Variants in CCDC106 observed in about 807,000 individuals in gnomAD.
CCDC106 encodes the protein coiled-coil domain containing 106, also known as coiled-coil domain-containing protein 106.
CCDC106 carries 17 observed loss-of-function variants against 24.7 expected under a neutral mutation model. The ratio of observed to expected loss-of-function variants is 0.69; its 90% CI spans 0.47 to 1.03. The LOEUF (loss-of-function observed/expected upper bound fraction) is 1.03, where lower values mean the gene tolerates loss of function less well. Ranked by LOEUF, CCDC106 falls within the 50% of genes least tolerant of loss-of-function variation. CCDC106 has a pLI of 0.00. For missense variants in CCDC106, 337 were observed against 388.9 expected, an observed-to-expected ratio of 0.87 and a Z score of 1.12; for synonymous variants, 211 against 161.3, an observed-to-expected ratio of 1.31 and a Z score of -2.34.
At position 55,652,383 on chromosome 19, in the gene CCDC106, T is replaced by C. The variant is rs762993735; in HGVS notation, c.527-47T>C. ...TCCCTTCCCGTGTCCGCCCCCTCAG[T>C]CTTGTGCCCTGCCCCTCACTTTCGT... is the stretch of plus-strand genomic sequence containing the variant. On this transcript the variant is annotated intron_variant, in intron 4 of 4. Coordinates refer to ENST00000586790, the MANE Select transcript of CCDC106 (RefSeq NM_001370470.1). The surrounding 1 kb of genome is among the most constrained non-coding windows in gnomAD (Gnocchi z 5.9). 1 of 1,518,070 alleles carries C rather than the reference T, an allele frequency of 6.6e-7. No individual in the cohort carries two copies. 94.0% of individuals were successfully genotyped at this position (1,518,070 alleles called of 1,614,324 possible).
chr19:55,653,074 T>G lies in CCDC106; in HGVS notation c.*328T>G. On this transcript the variant is annotated 3_prime_UTR_variant, in exon 5 of 5. Transcript: ENST00000586790. ...CCCCGCGGAGGAGCTGCCCACCTGA[T>G]TCCCGGACAGACCTCCCCAACTCCG... is the stretch of plus-strand genomic sequence containing the variant. The G allele has an allele frequency of 1.1e-5, 3 of 277,778 alleles. No individual in the cohort carries two copies. The highest frequency in any genetic ancestry group is 5.3e-5 in the Admixed American group (1 of 19,016). 17.2% of individuals were successfully genotyped at this position (277,778 alleles called of 1,614,324 possible). A position where few individuals can be genotyped will look rare whatever the true frequency, so the allele number is the denominator to read the frequency against.
intron 3 of CCDC106, 196 bp downstream of exon 3, chr19:55,649,780 C>A: frequency 3.3e-6 from 2 of 598,464 alleles, no homozygotes; most frequent in Non-Finnish European, 5.9e-6. Context: ...TCCCCATGAA[C>A]TGTCTACTGG....
chr19:55,649,229 T>C lies in CCDC106; in HGVS notation c.56T>C (p.Ile19Thr), dbSNP rs1204297099. 2 of 1,613,910 alleles carry C rather than the reference T, an allele frequency of 1.2e-6. No individual in the cohort carries two copies. The highest frequency in any genetic ancestry group is 1.7e-6 in the Non-Finnish European group (2 of 1,179,900). Residue 19 changes from isoleucine to threonine, a missense_variant, in exon 2 of 5, where the codon ATC (isoleucine) becomes ACC (threonine). Around this residue, in one of 2 missense-constraint regions of CCDC106, gnomAD observed 234 missense variants for 236.5 expected, o/e 0.99. Coordinates refer to ENST00000586790, the MANE Select transcript of CCDC106 (RefSeq NM_001370470.1). ...GTGAAGGACGATGAGACCTTCGAGATCTCCATTCCCTTCGATGAGGCACCC... is the reference window on the plus strand; with the variant it reads ...GTGAAGGACGATGAGACCTTCGAGACCTCCATTCCCTTCGATGAGGCACCC... The part of the protein sequence containing the change: ...RTMKDDETFE[I>T]SIPFDEAPHL...
chr19:55,649,135 G>A (rs1983063403), intron 1 of CCDC106, 58 bp downstream of exon 1: 1 of 1,611,050 alleles, frequency 6.2e-7, no homozygotes, highest in Admixed American at 1.7e-5. Flanking sequence ...GCTCCAGGCT[G>A]CCGTGGTTGG....
In CCDC106 at chr19:55,651,284, G is replaced by A. The variant is rs772304153; in HGVS notation, c.315G>A (p.Glu105=). Residue 105 remains glutamate (E), a splice_region_variant and synonymous_variant, in exon 4 of 5, where the codon GAG becomes GAA. Coordinates refer to ENST00000586790, the MANE Select transcript of CCDC106 (RefSeq NM_001370470.1). ...ATGTGTGTGTCTCCATCTCCCCAGA[G>A]GACCACTGCCGGATGAAGCCTGGGC... ...KFISSARMEA[E]DHCRMKPGPR... is the part of the protein sequence containing the mutation. 28 of 1,611,498 alleles carry A rather than the reference G, an allele frequency of 1.7e-5. No homozygotes were observed. The highest frequency in any genetic ancestry group is 3.4e-6 in the Non-Finnish European group (4 of 1,178,002).
chr19:55,649,675 TG>T (rs1983111827), intron 3 of CCDC106, 91 bp downstream of exon 3: 1 of 1,280,174 alleles, frequency 7.8e-7, no homozygotes, highest in Admixed American at 2.2e-5. Flanking sequence ...TTTGGCTGGC[TG>T]GGTGGGACCT....
chr19:55,651,863 C>T (rs1380986294), intron 4 of CCDC106, among the ~76,000 whole-genome samples: 2 of 152,084 alleles, frequency 1.3e-5, no homozygotes, highest in African/African-American at 2.4e-5. Flanking sequence ...AGGGTTTCAC[C>T]GTGTTTGCCA....
Position 55,649,279 on chromosome 19 carries a change from A to T in CCDC106, c.106A>T (p.Ser36Cys). The change falls in exon 2 of 5, where the codon AGT (serine) becomes TGT (cysteine). Residue 36 changes from serine (S) to cysteine (C), a missense_variant. Physicochemically the swap from Ser to Cys is moderately radical, Grantham distance 112. Transcript: ENST00000586790. Reference sequence around the variant, plus strand: ...CCACCTAGACCCACAGATCTTTTACAGTCTGAGCCCCTCTCGGAGAAACTT... The same window carrying T: ...CCACCTAGACCCACAGATCTTTTACTGTCTGAGCCCCTCTCGGAGAAACTT... ...APHLDPQIFY[S>C]LSPSRRNFEE... 4.3e-6 allele frequency: 7 copies of T among 1,613,950 alleles called. No homozygotes were observed. Among genetic ancestry groups the T allele is most frequent in the Non-Finnish European group, 5.9e-6 (7 of 1,179,942 alleles).
intron 4 of CCDC106, 143 bp downstream of exon 4, chr19:55,651,638 C>T (rs966491847): frequency 2.3e-5 from 14 of 617,390 alleles, no homozygotes; most frequent in Non-Finnish European, 3.7e-5. Context: ...CCCTCCTCCA[C>T]GTGTGGTCCT....
chr19:55,649,245 T>G lies in CCDC106; in HGVS notation c.72T>G (p.Asp24Glu). ...CCTTCGAGATCTCCATTCCCTTCGA[T>G]GAGGCACCCCACCTAGACCCACAGA... ...DETFEISIPF[D>E]EAPHLDPQIF... The change falls in exon 2 of 5, where the codon GAT (aspartate) becomes GAG (glutamate). Residue 24 changes from aspartate to glutamate, a missense_variant. Asp to Glu is a conservative substitution (Grantham distance 45). Transcript: ENST00000586790. The G allele has an allele frequency of 6.2e-7, 1 of 1,614,072 alleles. No individual in the cohort carries two copies. Among genetic ancestry groups the G allele is most frequent in the Non-Finnish European group, 8.5e-7 (1 of 1,179,992 alleles).
intron 3 of CCDC106, 32 bp from the exon 4 acceptor site, chr19:55,651,251 C>T (rs2123651900): frequency 6.5e-7 from 1 of 1,529,222 alleles, no homozygotes; most frequent in Non-Finnish European, 9.1e-7. Flanking sequence ...TGTCTGGTCC[C>T]TTGGTTCATG....
chr19:55,651,569 C>A, intron 4 of CCDC106, 74 bp downstream of exon 4: 1 of 1,051,666 alleles, frequency 9.5e-7, no homozygotes, highest in Non-Finnish European at 1.4e-6. Context: ...CCAGAGGTCC[C>A]CCTTTCTCTC....
chr19:55,652,918 C>T lies in CCDC106; in HGVS notation c.*172C>T, dbSNP rs1039749276. 75 of 600,632 alleles carry T rather than the reference C, an allele frequency of 1.2e-4. 1 individual carries two copies. Among genetic ancestry groups the T allele is most frequent in the Middle Eastern group, 8.8e-4 (2 of 2,262 alleles). 37.2% of individuals were successfully genotyped at this position (600,632 alleles called of 1,614,324 possible). A position where few individuals can be genotyped will look rare whatever the true frequency, so the allele number is the denominator to read the frequency against. On this transcript the variant is annotated 3_prime_UTR_variant, in exon 5 of 5. Transcript: ENST00000586790. The surrounding 1 kb of genome is among the most constrained non-coding windows in gnomAD (Gnocchi z 5.9). Reference sequence around the variant, plus strand: ...CCCCGGACCGGCCGCGGCCCCTTCCCGAACGCCGGCACCCCCTTCCGCTTG... The same window carrying T: ...CCCCGGACCGGCCGCGGCCCCTTCCTGAACGCCGGCACCCCCTTCCGCTTG...
Position 55,652,446 on chromosome 19 carries a change from G to T in CCDC106, c.543G>T (p.Gly181=). 2 of 1,602,190 alleles carry T rather than the reference G, an allele frequency of 1.2e-6. No homozygotes were observed. The highest frequency in any genetic ancestry group is 1.7e-6 in the Non-Finnish European group (2 of 1,171,666). ...RERQRVKDAD[G]VLCRYKKILG... is the part of the protein sequence containing the mutation. ...ACCCCTCAGTGAAGGACGCCGACGG[G>T]GTCCTCTGCCGGTACAAGAAGATCC... Residue 181 remains glycine, a synonymous_variant, in exon 5 of 5, where the codon GGG becomes GGT. Coordinates refer to ENST00000586790, the MANE Select transcript of CCDC106 (RefSeq NM_001370470.1). This position sits in a 1 kb window ranked among gnomAD's most constrained non-coding sequence, Gnocchi z 5.9.
intron 3 of CCDC106, among the ~76,000 whole-genome samples, chr19:55,649,812 C>T (rs896433539): frequency 1.3e-5 from 2 of 152,152 alleles, no homozygotes; most frequent in African/African-American, 4.8e-5. Context: ...CTGCCTTCTC[C>T]GTCAGCTCCC....
In CCDC106 at chr19:55,652,783, TCCCCCG is replaced by T; in HGVS notation, c.*38_*43del. The T allele has an allele frequency of 6.5e-7, 1 of 1,545,882 alleles. No homozygotes were observed. The highest frequency in any genetic ancestry group is 8.8e-7 in the Non-Finnish European group (1 of 1,137,446). On this transcript the variant is annotated 3_prime_UTR_variant, in exon 5 of 5. Transcript: ENST00000586790. This position sits in a 1 kb window ranked among gnomAD's most constrained non-coding sequence, Gnocchi z 5.9. Reference sequence around the variant, plus strand: ...CTCCGCGCCTCCACCCGGGCCTTCCTCCCCCGTGGACCCCGGTGGATGACCTGCCCC... The same window carrying T: ...CTCCGCGCCTCCACCCGGGCCTTCCTTGGACCCCGGTGGATGACCTGCCCC...
In CCDC106 at chr19:55,653,054, C is replaced by T; in HGVS notation, c.*308C>T. ...AGACCCCGTCTCCGCCCTGGCCCCG[C>T]GGAGGAGCTGCCCACCTGATTCCCG... On this transcript the variant is annotated 3_prime_UTR_variant, in exon 5 of 5. Coordinates refer to ENST00000586790, the MANE Select transcript of CCDC106 (RefSeq NM_001370470.1). 1 of 315,492 alleles carries T rather than the reference C, an allele frequency of 3.2e-6. No individual in the cohort carries two copies. Among genetic ancestry groups the T allele is most frequent in the Non-Finnish European group, 5.8e-6 (1 of 171,158 alleles). 19.5% of individuals were successfully genotyped at this position (315,492 alleles called of 1,614,324 possible). A position where few individuals can be genotyped will look rare whatever the true frequency, so the allele number is the denominator to read the frequency against.
chr19:55,648,162 C>T (rs1982979819), upstream of CCDC106: 1 of 152,246 alleles, frequency 6.6e-6, no homozygotes, highest in Non-Finnish European at 1.5e-5. Context: ...TGCCGCCCCG[C>T]CTGTTCGCGG....
At position 55,653,121 on chromosome 19, in the gene CCDC106, G is replaced by C; in HGVS notation, c.*375G>C. On this transcript the variant is annotated 3_prime_UTR_variant, in exon 5 of 5. Transcript: ENST00000586790. ...TCCGCGTGAGACAGAGAATTATTCA[G>C]ATAATTTAAATTAAAAAACGACGTG... The C allele has an allele frequency of 5.8e-6, 1 of 171,658 alleles. No individual in the cohort carries two copies. The highest frequency in any genetic ancestry group is 1.2e-5 in the Non-Finnish European group (1 of 80,874). 10.6% of individuals were successfully genotyped at this position (171,658 alleles called of 1,614,324 possible). A position where few individuals can be genotyped will look rare whatever the true frequency, so the allele number is the denominator to read the frequency against.
Sources: gnomAD v4.1 joint callset for allele counts (sites outside exome capture counted in the v4.1 genomes callset) on GRCh38, gnomAD v4.1.1 for gene constraint, gnomAD v4.1.1 regional missense constraint, Gnocchi (gnomAD v3.1) non-coding constraint, MANE v1.5 for transcripts, NCBI Gene and HGNC (gene_info 2026-07-23, HGNC 2026-07-21) for gene names.